Variants in KIF27 observed in about 807,000 individuals in gnomAD.
KIF27 encodes kinesin-like protein KIF27.
In KIF27, 84 loss-of-function variants were observed where a neutral mutation model predicts 141.8. The observed-to-expected ratio is 0.59, with a 90% CI of 0.50 to 0.71. The LOEUF is 0.71. Ranked by LOEUF, KIF27 falls within the 30% of genes least tolerant of loss-of-function variation. The pLI, the probability that KIF27 is intolerant of heterozygous loss-of-function variation, is 0.00. For synonymous variants in KIF27, 471 were observed against 569.5 expected (o/e 0.83, Z 2.46); for missense variants, 1,306 against 1,628.4 (o/e 0.80, Z 3.41).
intron 1 of KIF27, 88 bp downstream of exon 1, chr9:83,921,274 CGCGGGAGCG>C (rs898078229): frequency 1.3e-5 from 2 of 152,256 alleles, no homozygotes; most frequent in African/African-American, 2.4e-5. Flanking sequence ...CGGCTGGGGG[CGCGGGAGCG>C]GCGGGCGCGG....
intron 3 of KIF27, among the ~76,000 whole-genome samples, chr9:83,907,252 T>C (rs1178368988): frequency 2.6e-5 from 4 of 151,244 alleles, no homozygotes; most frequent in Non-Finnish European, 5.9e-5. Context: ...ATCGCGCCAC[T>C]GCACTCCAGC....
chr9:83,898,180 A>T (rs1283373045), intron 5 of KIF27, among the ~76,000 whole-genome samples: 3 of 152,224 alleles, frequency 2.0e-5, no homozygotes, highest in Non-Finnish European at 2.9e-5. Flanking sequence ...AATGTCCATC[A>T]AACAGTAGAA....
At chr9:83,846,560 A>C (rs1947305032) in intron 16 of KIF27, among the ~76,000 whole-genome samples, 1 of 152,152 alleles carries the variant, frequency 6.6e-6, no homozygotes, top group South Asian at 2.1e-4. Context: ...AATACTTTGC[A>C]GGGCTGGGAC....
chr9:83,879,521 T>A (rs1213756999), intron 11 of KIF27, among the ~76,000 whole-genome samples: 5 of 151,762 alleles, frequency 3.3e-5, no homozygotes, highest in Non-Finnish European at 5.9e-5. Context: ...ATCTAGGAAA[T>A]CTCCAATTAT....
intron 16 of KIF27, among the ~76,000 whole-genome samples, chr9:83,848,109 C>CATATATCTGATATATCAT (rs375222138): frequency 4.1e-5 from 1 of 24,504 alleles, no homozygotes; most frequent in Non-Finnish European, 6.9e-5. Context: ...TATGATATCT[C>CATATATCTGATATATCAT]ATATCTGATA....
In KIF27 at chr9:83,859,148, T is replaced by A; in HGVS notation, c.3150+8A>T. 6.3e-7 allele frequency: 1 copy of A among 1,585,378 alleles called. No individual in the cohort carries two copies. Among genetic ancestry groups the A allele is most frequent in the Non-Finnish European group, 8.7e-7 (1 of 1,153,820 alleles). ...CAGCACCTCCAGTTCCAAAGAATACTGACTTACTTCAGGTGATAACACTCT... is the reference window on the plus strand; with the variant it reads ...CAGCACCTCCAGTTCCAAAGAATACAGACTTACTTCAGGTGATAACACTCT... On this transcript the variant is annotated splice_region_variant and intron_variant, in intron 14 of 17. Coordinates refer to ENST00000297814, the MANE Select transcript of KIF27 (RefSeq NM_017576.4).
rs779421731 is a variant in KIF27 at position 83,903,106 on chromosome 9, T to C, written c.1412A>G (p.Gln471Arg). Reference protein sequence around the residue: ...GGTASLEEGPQHVTVLQLKRE... With the variant: ...GGTASLEEGPRHVTVLQLKRE... Reference sequence around the variant, plus strand: ...CTTCAGCTGGAGAACTGTAACATGCTGTGGTCCTTCTTCCAGACTTGCAGT... The same window carrying C: ...CTTCAGCTGGAGAACTGTAACATGCCGTGGTCCTTCTTCCAGACTTGCAGT... The change falls in exon 4 of 18, where the codon CAG (glutamine) becomes CGG (arginine). Residue 471 changes from glutamine to arginine, a missense_variant. By Grantham distance (43) the Gln-to-Arg change is conservative (BLOSUM62 1). This residue lies in a region of KIF27 where 533 missense variants were observed against 565.6 expected (regional missense o/e 0.94). Transcript: ENST00000297814. The C allele has an allele frequency of 2.5e-6, 4 of 1,614,160 alleles. No homozygotes were observed. The South Asian group carries it at 3.3e-5, about 13-fold the overall frequency.
intron 14 of KIF27, chr9:83,858,487 A>C (rs1323734896): frequency 1.3e-5 from 2 of 152,168 alleles, no homozygotes; most frequent in Non-Finnish European, 2.9e-5. Flanking sequence ...TTCTCTGATG[A>C]AGTAAGGTAA....
intron 11 of KIF27, among the ~76,000 whole-genome samples, chr9:83,878,578 G>GA (rs56358837): frequency 0.18 from 26,614 of 151,990 alleles, 2,900 homozygotes; most frequent in Non-Finnish European, 0.24. Context: ...CAATAAAAGG[G>GA]AATGAAGTTC....
At chr9:83,908,679 T>C (rs753328429) in intron 2 of KIF27, 27 bp from the exon 3 acceptor site, 1 of 1,461,730 alleles carries the variant, frequency 6.8e-7, no homozygotes, top group Non-Finnish European at 9.3e-7. Context: ...AGAAAGCACA[T>C]CTGGAACTTA....
chr9:83,850,424 T>G (rs1275959874), intron 15 of KIF27, 127 bp from the exon 16 acceptor site: 2 of 654,456 alleles, frequency 3.1e-6, no homozygotes, highest in African/African-American at 3.7e-5. Context: ...CTGCCAGGTA[T>G]TGGGTCCTTA....
At chr9:83,919,269 TAC>T (rs1340457267) in intron 1 of KIF27, among the ~76,000 whole-genome samples, 1 of 152,188 alleles carries the variant, frequency 6.6e-6, no homozygotes, top group Non-Finnish European at 1.5e-5. Flanking sequence ...AAGTTAAACA[TAC>T]AGTTATCTCT....
At chr9:83,909,711 A>G (rs532184440) in intron 2 of KIF27, among the ~76,000 whole-genome samples, 49 of 152,222 alleles carry the variant, frequency 3.2e-4, no homozygotes, top group African/African-American at 1.1e-3. Flanking sequence ...AAGCAGGTAG[A>G]TATGGTAGAA....
intron 11 of KIF27, among the ~76,000 whole-genome samples, chr9:83,879,070 C>G (rs1480763976): frequency 3.3e-5 from 5 of 150,180 alleles, no homozygotes; most frequent in Admixed American, 2.7e-4. Flanking sequence ...CCCAGCTACT[C>G]AGGAGGCTGA....
chr9:83,895,856 T>C (rs1031178423), intron 5 of KIF27, among the ~76,000 whole-genome samples: 1 of 151,716 alleles, frequency 6.6e-6, no homozygotes, highest in Non-Finnish European at 1.5e-5. Context: ...TCAGGAGTGA[T>C]TGACTGACAT....
At position 83,908,388 on chromosome 9, in the gene KIF27, T is replaced by G. The variant is rs551708382; in HGVS notation, c.499+64A>C. On this transcript the variant is annotated intron_variant, in intron 3 of 17. Coordinates refer to ENST00000297814, the MANE Select transcript of KIF27 (RefSeq NM_017576.4). ...ATTCCTTGGAATATATCCAGAAACTTAATTAAAGCATTAAAGCATGTCTGT... is the reference window on the plus strand; with the variant it reads ...ATTCCTTGGAATATATCCAGAAACTGAATTAAAGCATTAAAGCATGTCTGT... The G allele has an allele frequency of 9.7e-5, 87 of 893,978 alleles. 1 individual carries two copies. The South Asian group carries it at 1.2e-3, about 12-fold the overall frequency. 55.4% of individuals were successfully genotyped at this position (893,978 alleles called of 1,614,324 possible). A position where few individuals can be genotyped will look rare whatever the true frequency, so the allele number is the denominator to read the frequency against.
chr9:83,847,040 T>C (rs1349462932), intron 16 of KIF27, among the ~76,000 whole-genome samples: 1 of 152,062 alleles, frequency 6.6e-6, no homozygotes, highest in Non-Finnish European at 1.5e-5. Flanking sequence ...GTGATTAAGG[T>C]CAACTGGAAA....
At chr9:83,902,856 T>C (rs1402217203) in intron 4 of KIF27, among the ~76,000 whole-genome samples, 2 of 152,068 alleles carry the variant, frequency 1.3e-5, no homozygotes, top group East Asian at 3.9e-4. Context: ...GAGAGGCAAG[T>C]GGGATTCCAT....
rs772737449 is a variant in KIF27, at chr9:83,915,467, T to C, written c.125A>G (p.Asp42Gly). Residue 42 changes from aspartate (D) to glycine (G), a missense_variant, in exon 2 of 18, where the codon GAT becomes GGT. Transcript: ENST00000297814. ...PNSQQVIIGR[D>G]RVFTFDFVFG... is the part of the protein sequence containing the mutation. ...AACAAAATCAAAAGTGAAGACTCTA[T>C]CTCTCCCAATGATAACTTGCTGGCT... The C allele has an allele frequency of 6.2e-7, 1 of 1,613,760 alleles. No individual in the cohort carries two copies. Among genetic ancestry groups the C allele is most frequent in the Non-Finnish European group, 8.5e-7 (1 of 1,179,856 alleles).
Sources: allele counts gnomAD v4.1 joint callset (sites outside exome capture counted in the v4.1 genomes callset), GRCh38; gene constraint gnomAD v4.1.1; regional missense constraint gnomAD v4.1.1; transcripts MANE v1.5; gene names NCBI Gene and HGNC (gene_info 2026-07-23, HGNC 2026-07-21).